The following PLXNA4 variants were observed in gnomAD, a reference collection of about 807,000 sequenced individuals.
The protein encoded by PLXNA4 is plexin A4.
PLXNA4 carries 44 observed loss-of-function variants against 191.8 expected under a neutral mutation model. The ratio of observed to expected loss-of-function variants is 0.23; its 90% CI spans 0.18 to 0.29. The LOEUF is 0.29. Ranked by LOEUF, PLXNA4 falls within the 10% of genes least tolerant of loss-of-function variation. PLXNA4 has a pLI of 1.00. For missense variants in PLXNA4, 1,800 were observed against 2,488.8 expected (o/e 0.72, Z 5.89); for synonymous variants, 1,082 against 1,009.5 (o/e 1.07, Z -1.36).
chr7:132,274,394 A>G (rs1481678047), intron 4 of PLXNA4, among the ~76,000 whole-genome samples: 1 of 152,160 alleles, frequency 6.6e-6, no homozygotes, highest in African/African-American at 2.4e-5. Flanking sequence ...AGCTTTTCCT[A>G]ATGTTAAGAG....
At chr7:132,267,936 C>G (rs147744974) in intron 4 of PLXNA4, among the ~76,000 whole-genome samples, 1 of 152,132 alleles carries the variant, frequency 6.6e-6, no homozygotes, top group Non-Finnish European at 1.5e-5. Context: ...GCACTGCCAC[C>G]CAGAACAATA....
At chr7:132,186,481 A>G (rs139707546) in intron 15 of PLXNA4, among the ~76,000 whole-genome samples, 1 of 152,314 alleles carries the variant, frequency 6.6e-6, no homozygotes, top group African/African-American at 2.4e-5. Flanking sequence ...CATGAAGCAT[A>G]TGGAGCCCAT....
chr7:132,453,438 G>C lies in PLXNA4; in HGVS notation c.1371+35854C>G, dbSNP rs568536789. ...CTATTGACTCAGAAACTATAGAGGT[G>C]TGTTTTAACAAGCTCCCCAGGTGAT... On this transcript the variant is annotated intron_variant, in intron 3 of 31. Coordinates refer to ENST00000321063, the MANE Select transcript of PLXNA4 (RefSeq NM_020911.2). Among the ~76,000 whole-genome samples, 9 of 152,270 alleles carry C rather than the reference G, an allele frequency of 5.9e-5. 1 individual carries two copies. The South Asian group carries it at 1.7e-3, about 28-fold the overall frequency.
At chr7:132,167,333 G>A (rs1359561617) in intron 22 of PLXNA4, among the ~76,000 whole-genome samples, 3 of 152,102 alleles carry the variant, frequency 2.0e-5, no homozygotes, top group African/African-American at 7.2e-5. Context: ...GTGTTGAGTG[G>A]TGGACTCTGG....
At chr7:132,326,158 G>A (rs1470719883) in intron 3 of PLXNA4, among the ~76,000 whole-genome samples, 2 of 152,102 alleles carry the variant, frequency 1.3e-5, no homozygotes, top group Non-Finnish European at 2.9e-5. Flanking sequence ...GTGGAGGAAG[G>A]GAGAATTCCC....
chr7:132,628,916 G>T (rs1161469379), intron 2 of PLXNA4, among the ~76,000 whole-genome samples: 2 of 152,148 alleles, frequency 1.3e-5, no homozygotes, highest in Non-Finnish European at 2.9e-5. Context: ...GATTTGCTTA[G>T]TTCAAATTCT....
chr7:132,445,254 A>G (rs1024398616), intron 3 of PLXNA4, among the ~76,000 whole-genome samples: 2 of 151,212 alleles, frequency 1.3e-5, no homozygotes, highest in Non-Finnish European at 2.9e-5. Flanking sequence ...AATATTCCCA[A>G]TCTGCCACCT....
intron 2 of PLXNA4, among the ~76,000 whole-genome samples, chr7:132,636,002 C>T (rs1183672371): frequency 1.3e-5 from 2 of 152,120 alleles, no homozygotes; most frequent in Non-Finnish European, 2.9e-5. Flanking sequence ...TAGGAGAAGC[C>T]CTCTCAACAG....
At chr7:132,422,353 C>T (rs1212857227) in intron 3 of PLXNA4, among the ~76,000 whole-genome samples, 1 of 152,226 alleles carries the variant, frequency 6.6e-6, no homozygotes, top group Non-Finnish European at 1.5e-5. Flanking sequence ...AGATTTTCTA[C>T]AGCCACAACG....
intron 31 of PLXNA4, among the ~76,000 whole-genome samples, chr7:132,132,497 T>TTCTATTCTATTCTA (rs367658994): frequency 0.011 from 1,257 of 111,656 alleles, 84 homozygotes; most frequent in African/African-American, 0.032. Flanking sequence ...GCTCTATTCT[T>TTCTATTCTATTCTA]TTCTATTCTA....
chr7:132,601,646 G>T (rs557233347), intron 2 of PLXNA4, among the ~76,000 whole-genome samples: 16 of 152,316 alleles, frequency 1.1e-4, no homozygotes, highest in African/African-American at 3.9e-4. Context: ...CTTGTACCCG[G>T]AAGCTTTCAT....
chr7:132,339,959 C>G (rs1802962806), intron 3 of PLXNA4, among the ~76,000 whole-genome samples: 1 of 152,216 alleles, frequency 6.6e-6, no homozygotes, highest in African/African-American at 2.4e-5. Context: ...TCTACACACA[C>G]AGCATATAAA....
chr7:132,498,486 A>G (rs1798119175), intron 2 of PLXNA4, among the ~76,000 whole-genome samples: 1 of 152,154 alleles, frequency 6.6e-6, no homozygotes, highest in East Asian at 1.9e-4. Context: ...AGACTTATTC[A>G]CTATCACGAA....
chr7:132,147,952 G>C lies in PLXNA4; in HGVS notation c.4812C>G (p.Ala1604=), dbSNP rs199848090. 2.2e-5 allele frequency: 36 copies of C among 1,614,136 alleles called. No homozygotes were observed. Among genetic ancestry groups the C allele is most frequent in the Non-Finnish European group, 3.0e-5 (35 of 1,180,034 alleles). ...VVALVSKQVT[A]YNAVNNSTVS... ...CGGTGGAGTTGTTCACTGCGTTATAGGCTGTCACCTGCTTGGACACTAATG... is the reference window on the plus strand; with the variant it reads ...CGGTGGAGTTGTTCACTGCGTTATACGCTGTCACCTGCTTGGACACTAATG... The change falls in exon 27 of 32, where the codon GCC becomes GCG. Residue 1604 remains alanine, a synonymous_variant. Transcript: ENST00000321063.
chr7:132,223,291 T>G (rs1798205696), intron 9 of PLXNA4, among the ~76,000 whole-genome samples: 1 of 152,150 alleles, frequency 6.6e-6, no homozygotes, highest in Non-Finnish European at 1.5e-5. Flanking sequence ...CTGGTTGGAG[T>G]GACCTGGAAT....
chr7:132,226,402 T>C (rs1798324674), intron 7 of PLXNA4, 142 bp from the exon 8 acceptor site: 2 of 640,316 alleles, frequency 3.1e-6, no homozygotes, highest in African/African-American at 1.8e-5. Context: ...GCAGACCCAG[T>C]CCCAGGACAA....
Position 132,145,227 on chromosome 7 carries a change from C to G in PLXNA4, c.5117G>C (p.Gly1706Ala). 6.2e-7 allele frequency: 1 copy of G among 1,614,198 alleles called. No individual in the cohort carries two copies. The highest frequency in any genetic ancestry group is 8.5e-7 in the Non-Finnish European group (1 of 1,180,038). ...CTTGATGGCCAGGGGCAGGGCAGAG[C>G]CACGGTGTGCCGTGCTGAAGATGGT... Reference protein sequence around the residue: ...FETIFSTAHRGSALPLAIKYM... With the variant: ...FETIFSTAHRASALPLAIKYM... The change falls in exon 29 of 32, where the codon GGC becomes GCC. Residue 1706 changes from glycine (G) to alanine (A), a missense_variant. Gly to Ala is a moderately conservative substitution (Grantham distance 60). Around this residue, in one of 6 missense-constraint regions of PLXNA4, gnomAD observed 101 missense variants for 182.8 expected, o/e 0.55. Transcript: ENST00000321063.
At chr7:132,151,461 G>A (rs191630788) in intron 25 of PLXNA4, among the ~76,000 whole-genome samples, 3 of 107,510 alleles carry the variant, frequency 2.8e-5, no homozygotes, top group Non-Finnish European at 6.2e-5. Context: ...AGAAGGAGGA[G>A]GAGGAGGAGA....
At position 132,127,570 on chromosome 7, in the gene PLXNA4, G is replaced by A. The variant is rs1332167850; in HGVS notation, c.*2909C>T. ...CACACGTGCACCAAGAATCCAAACGGAAGAAATGGAAAACAAACAGCAGAA... is the reference window on the plus strand; with the variant it reads ...CACACGTGCACCAAGAATCCAAACGAAAGAAATGGAAAACAAACAGCAGAA... On this transcript the variant is annotated 3_prime_UTR_variant, in exon 32 of 32. Coordinates refer to ENST00000321063, the MANE Select transcript of PLXNA4 (RefSeq NM_020911.2). 1 of 152,184 alleles carries A rather than the reference G, an allele frequency of 6.6e-6. No homozygotes were observed. The highest frequency in any genetic ancestry group is 2.4e-5 in the African/African-American group (1 of 41,442). The allele number at this position is 152,184 out of a possible 1,614,324, so 9.4% of individuals were successfully genotyped here. A position where few individuals can be genotyped will look rare whatever the true frequency, so the allele number is the denominator to read the frequency against.
Sources: gnomAD v4.1 joint callset for allele counts (sites outside exome capture counted in the v4.1 genomes callset) on GRCh38, gnomAD v4.1.1 for gene constraint, gnomAD v4.1.1 regional missense constraint, MANE v1.5 for transcripts, NCBI Gene and HGNC (gene_info 2026-07-23, HGNC 2026-07-21) for gene names.